The following CYTH1 variants were observed in gnomAD, a reference collection of about 807,000 sequenced individuals.
CYTH1 encodes cytohesin-1.
A neutral mutation model predicts 61.8 loss-of-function variants in CYTH1; 18 were observed. The ratio of observed to expected loss-of-function variants is 0.29; its 90% CI spans 0.20 to 0.43. The LOEUF (loss-of-function observed/expected upper bound fraction) is 0.43. Ranked by LOEUF, CYTH1 falls within the 20% of genes least tolerant of loss-of-function variation. The probability of loss-of-function intolerance (pLI) is 1.00; values close to 1 mark genes in which losing one functional copy is unlikely to be tolerated. For synonymous variants in CYTH1, 174 were observed against 184.3 expected (o/e 0.94, Z 0.45); for missense variants, 336 against 510.5 (o/e 0.66, Z 3.29).
chr17:78,771,003 C>T (rs948594190), intron 1 of CYTH1, among the ~76,000 whole-genome samples: 10 of 152,178 alleles, frequency 6.6e-5, no homozygotes, highest in African/African-American at 2.4e-5. Flanking sequence ...TAGCTCACAT[C>T]GGTAATCCCA....
At chr17:78,750,096 T>C (rs2093374092) in intron 1 of CYTH1, among the ~76,000 whole-genome samples, 1 of 152,160 alleles carries the variant, frequency 6.6e-6, no homozygotes, top group Admixed American at 6.5e-5. Context: ...CAGAGTGGCA[T>C]CAGCTACGGG....
chr17:78,687,655 C>G (rs973947241), intron 11 of CYTH1, among the ~76,000 whole-genome samples: 7 of 152,196 alleles, frequency 4.6e-5, no homozygotes, highest in Non-Finnish European at 7.3e-5. Flanking sequence ...ATGTTTGAAA[C>G]ATGTCAGAAA....
At chr17:78,723,747 TG>T (rs754445350) in intron 1 of CYTH1, 7 of 152,494 alleles carry the variant, frequency 4.6e-5, no homozygotes, top group Non-Finnish European at 8.8e-5. Flanking sequence ...ACTGCAAGAA[TG>T]CCAACCTTAC....
Position 78,700,531 on chromosome 17 carries a change from CT to C in CYTH1, c.438-89del, listed in dbSNP as rs956684229. The C allele has an allele frequency of 0.036, 28,632 of 797,194 alleles. No individual in the cohort carries two copies. Among genetic ancestry groups the C allele is most frequent in the South Asian group, 0.057 (2,271 of 39,726 alleles). 49.4% of individuals were successfully genotyped at this position (797,194 alleles called of 1,614,324 possible). On this transcript the variant is annotated intron_variant, in intron 6 of 13. Transcript: ENST00000446868. The surrounding 1 kb of genome is among the most constrained non-coding windows in gnomAD (Gnocchi z 5.1). ...TTAAACTGCCAATGATTTTTTTTTT[CT>C]TTTTTTTTTTGAGATGGAGTCTCAC...
chr17:78,691,460 T>C (rs767065898), intron 11 of CYTH1: 5 of 152,260 alleles, frequency 3.3e-5, no homozygotes. Flanking sequence ...AGGATTTCAA[T>C]GTTTTACTTA....
intron 1 of CYTH1, among the ~76,000 whole-genome samples, chr17:78,719,796 C>T (rs2093212768): frequency 6.6e-6 from 1 of 152,052 alleles, no homozygotes; most frequent in Non-Finnish European, 1.5e-5. Flanking sequence ...AGCAGGAGGC[C>T]CAGGTGACAC....
At chr17:78,732,055 G>A (rs1380538237) in intron 1 of CYTH1, among the ~76,000 whole-genome samples, 4 of 152,166 alleles carry the variant, frequency 2.6e-5, no homozygotes, top group African/African-American at 9.7e-5. Context: ...GGGAATCTCT[G>A]CTGTTTCCTA....
intron 1 of CYTH1, chr17:78,728,064 C>T (rs1224719118): frequency 6.0e-6 from 1 of 166,560 alleles, no homozygotes; most frequent in Non-Finnish European, 1.3e-5. Flanking sequence ...ACGATATAGT[C>T]AGTTTCTCTG....
At chr17:78,716,853 T>C (rs1430842040) in intron 1 of CYTH1, 2 of 152,182 alleles carry the variant, frequency 1.3e-5, no homozygotes, top group Non-Finnish European at 2.9e-5. Flanking sequence ...CCTACAGTCT[T>C]GGCTAGTGTC....
At chr17:78,759,614 T>A (rs1163814593) in intron 1 of CYTH1, among the ~76,000 whole-genome samples, 1 of 152,224 alleles carries the variant, frequency 6.6e-6, no homozygotes, top group Non-Finnish European at 1.5e-5. Flanking sequence ...GCTTCTTTCA[T>A]CTGTTGAGCC....
intron 2 of CYTH1, 47 bp downstream of exon 2, chr17:78,709,603 G>A: frequency 6.3e-7 from 1 of 1,598,438 alleles, no homozygotes; most frequent in Non-Finnish European, 8.6e-7. Context: ...AAATGGAACT[G>A]TCACTGTGGT....
rs1361788420 is a variant in CYTH1, at chr17:78,755,842, T to C, written c.22+26360A>G. Among the ~76,000 whole-genome samples, 9 of 151,544 alleles carry C rather than the reference T, an allele frequency of 5.9e-5. No individual in the cohort carries two copies. In the East Asian group the frequency reaches 1.8e-3, roughly 30 times the overall value. The stretch of plus-strand genomic sequence containing the variant: ...GGAAGGACTGCTTGAGCCCAAGAGG[T>C]TGAGGTTGCAGTGAGCTGTGTTCAT... On this transcript the variant is annotated intron_variant, in intron 1 of 13. Transcript: ENST00000446868.
At chr17:78,722,001 C>T (rs950294071) in intron 1 of CYTH1, among the ~76,000 whole-genome samples, 4 of 152,048 alleles carry the variant, frequency 2.6e-5, no homozygotes, top group African/African-American at 9.7e-5. Context: ...GAGCCGAGAT[C>T]GCGCCATTGC....
At chr17:78,715,444 G>A (rs2093172711) in intron 1 of CYTH1, among the ~76,000 whole-genome samples, 1 of 152,156 alleles carries the variant, frequency 6.6e-6, no homozygotes, top group African/African-American at 2.4e-5. Context: ...AGGAGCCTGA[G>A]GACAGCAAGC....
chr17:78,703,070 G>A (rs1012472793), intron 3 of CYTH1, among the ~76,000 whole-genome samples: 4 of 150,880 alleles, frequency 2.7e-5, no homozygotes, highest in African/African-American at 9.7e-5. Flanking sequence ...ACAGGCATAA[G>A]CCACTGTACC....
chr17:78,678,146 T>C (rs763605543), intron 13 of CYTH1: 4 of 152,272 alleles, frequency 2.6e-5, no homozygotes, highest in Admixed American at 6.5e-5. Context: ...ACAGGAGAAC[T>C]TGGCACTCAC....
At chr17:78,679,038 T>A (rs938444680) in intron 13 of CYTH1, among the ~76,000 whole-genome samples, 11 of 152,220 alleles carry the variant, frequency 7.2e-5, no homozygotes, top group African/African-American at 2.7e-4. Context: ...ATCATCTCCA[T>A]CTTCAGTCAG....
chr17:78,773,034 T>C lies in CYTH1; in HGVS notation c.22+9168A>G, dbSNP rs1267088982. 3.9e-5 allele frequency among the ~76,000 whole-genome samples: 6 copies of C among 152,188 alleles called. No individual in the cohort carries two copies. The South Asian group carries it at 1.2e-3, about 32-fold the overall frequency. On this transcript the variant is annotated intron_variant, in intron 1 of 13. Coordinates refer to ENST00000446868, the MANE Select transcript of CYTH1 (RefSeq NM_004762.6). ...TTTTAGTAGAGATGGGTTTTCACCA[T>C]GTTGCCCAAGCTGCTCTTGTACTCC...
Position 78,728,210 on chromosome 17 carries a change from C to A in CYTH1, c.23-18478G>T, listed in dbSNP as rs1037265709. Reference sequence around the variant, plus strand: ...GGGGACCTGAGCAAAGGTAGAAAGACCCCAGTAATCAAAGTTCTCGTACAT... The same window carrying A: ...GGGGACCTGAGCAAAGGTAGAAAGAACCCAGTAATCAAAGTTCTCGTACAT... On this transcript the variant is annotated intron_variant, in intron 1 of 13. Coordinates refer to ENST00000446868, the MANE Select transcript of CYTH1 (RefSeq NM_004762.6). 6.4e-4 allele frequency among the ~76,000 whole-genome samples: 97 copies of A among 152,154 alleles called. 1 individual carries two copies. The highest frequency in any genetic ancestry group is 6.3e-3 in the Admixed American group (97 of 15,286).
Sources: gnomAD v4.1 joint callset for allele counts (sites outside exome capture counted in the v4.1 genomes callset) on GRCh38, gnomAD v4.1.1 for gene constraint, Gnocchi (gnomAD v3.1) non-coding constraint, MANE v1.5 for transcripts, NCBI Gene and HGNC (gene_info 2026-07-23, HGNC 2026-07-21) for gene names.